CENPQ: variants seen among roughly 807,000 people sequenced by gnomAD.
CENPQ encodes the protein chromosome 6 open reading frame 139.
In CENPQ, 27 loss-of-function variants were observed where a neutral mutation model predicts 36.6. The observed-to-expected ratio is 0.74, with a 90% CI of 0.54 to 1.02. The LOEUF (loss-of-function observed/expected upper bound fraction) is 1.02, where lower values mean the gene tolerates loss of function less well. Among genes scored for constraint, CENPQ ranks in the 50% least tolerant of loss-of-function variants. The pLI is 0.00. For synonymous variants in CENPQ, 101 were observed against 101.7 expected, an observed-to-expected ratio of 0.99 and a Z score of 0.04; for missense variants, 306 against 301.8, an observed-to-expected ratio of 1.01 and a Z score of -0.10.
chr6:49,464,810 C>T (rs1767958489), intron 1 of CENPQ, among the ~76,000 whole-genome samples: 1 of 152,216 alleles, frequency 6.6e-6, no homozygotes. Context: ...TCTTTCATCA[C>T]TTCCTCCACT....
At chr6:49,486,262 CAA>C (rs1429391206) in intron 6 of CENPQ, among the ~76,000 whole-genome samples, 1 of 152,182 alleles carries the variant, frequency 6.6e-6, no homozygotes, top group African/African-American at 2.4e-5. Context: ...GTGGCCCTGC[CAA>C]CACCTTGATT....
At chr6:49,468,234 G>C (rs149918506) in intron 1 of CENPQ, among the ~76,000 whole-genome samples, 116 of 151,920 alleles carry the variant, frequency 7.6e-4, no homozygotes, top group African/African-American at 2.7e-3. Flanking sequence ...GCTCAGCTAA[G>C]ACTTTCCTGG....
chr6:49,484,086 G>C (rs1768522394), intron 6 of CENPQ, among the ~76,000 whole-genome samples: 1 of 152,184 alleles, frequency 6.6e-6, no homozygotes, highest in Admixed American at 6.5e-5. Context: ...TTAAAACGTG[G>C]AAATTTTTCT....
intron 8 of CENPQ, among the ~76,000 whole-genome samples, chr6:49,490,845 A>G (rs1193913994): frequency 2.0e-5 from 3 of 152,128 alleles, no homozygotes; most frequent in African/African-American, 4.8e-5. Context: ...ACACATAACA[A>G]TTACCAATTC....
intron 5 of CENPQ, among the ~76,000 whole-genome samples, chr6:49,477,370 T>C (rs1204159818): frequency 7.8e-6 from 1 of 128,112 alleles, no homozygotes; most frequent in Non-Finnish European, 1.6e-5. Context: ...AATTGAACAA[T>C]GAGAACACCT....
intron 5 of CENPQ, among the ~76,000 whole-genome samples, chr6:49,474,448 A>G (rs570707200): frequency 6.6e-6 from 1 of 152,318 alleles, no homozygotes; most frequent in South Asian, 2.1e-4. Context: ...AGGCAGAAAT[A>G]AAGATGTTCT....
In CENPQ at chr6:49,492,158, G is replaced by T; in HGVS notation, c.690G>T (p.Ala230=). The change falls in exon 9 of 9, where the codon GCG becomes GCT. Residue 230 remains alanine (A), a synonymous_variant. Transcript: ENST00000335783. ...CTTTCCCACAGAAAGAAATTTTGGC[G>T]CTAATTCCAAACCAGAATGCTCTTC... is the stretch of plus-strand genomic sequence containing the variant. ...KAPTLQKEIL[A]LIPNQNALLK... 6.3e-7 allele frequency: 1 copy of T among 1,596,872 alleles called. No homozygotes were observed. Among genetic ancestry groups the T allele is most frequent in the Non-Finnish European group, 8.5e-7 (1 of 1,175,406 alleles).
At chr6:49,490,282 C>T (rs368503579) in intron 8 of CENPQ, among the ~76,000 whole-genome samples, 1 of 152,354 alleles carries the variant, frequency 6.6e-6, no homozygotes, top group African/African-American at 2.4e-5. Flanking sequence ...TCACCTTGCA[C>T]TTTTTATGTT....
chr6:49,476,735 C>T (rs1051734165), intron 5 of CENPQ, among the ~76,000 whole-genome samples: 1 of 152,070 alleles, frequency 6.6e-6, no homozygotes, highest in African/African-American at 2.4e-5. Context: ...AAGAAAAAAA[C>T]AACCCTATCA....
chr6:49,467,471 G>A (rs1419600315), intron 1 of CENPQ, among the ~76,000 whole-genome samples: 1 of 152,134 alleles, frequency 6.6e-6, no homozygotes, highest in Admixed American at 6.5e-5. Flanking sequence ...TCAATTTTCT[G>A]TAAACCTAAA....
At chr6:49,486,487 C>G (rs1204099576) in intron 6 of CENPQ, among the ~76,000 whole-genome samples, 3 of 152,050 alleles carry the variant, frequency 2.0e-5, no homozygotes, top group African/African-American at 7.2e-5. Context: ...AAAATTTAGC[C>G]CATGGGAAAT....
At chr6:49,482,683 C>CGGCGATTGTCTCACCGCTT (rs1768469174) in intron 6 of CENPQ, among the ~76,000 whole-genome samples, 1 of 151,970 alleles carries the variant, frequency 6.6e-6, no homozygotes, top group South Asian at 2.1e-4. Flanking sequence ...TCTCACCGCT[C>CGGCGATTGTCTCACCGCTT]GGCGATTGTC....
chr6:49,482,145 C>T (rs972690530), intron 6 of CENPQ, among the ~76,000 whole-genome samples: 7 of 152,196 alleles, frequency 4.6e-5, no homozygotes, highest in African/African-American at 1.4e-4. Context: ...CCACACCCAC[C>T]GGAACTCCAG....
chr6:49,472,125 C>G lies in CENPQ; in HGVS notation c.220C>G (p.Gln74Glu). The change falls in exon 4 of 9, where the codon CAA becomes GAA. Residue 74 changes from glutamine to glutamate, a missense_variant. Transcript: ENST00000335783. ...AGCAGCCAGCAAGAGAAAAACCTGG[C>G]AACCTCTGTCAAAGAGTACCAGAGA... ...KTAASKRKTW[Q>E]PLSKSTRDHL... 1 of 1,612,616 alleles carries G rather than the reference C, an allele frequency of 6.2e-7. No homozygotes were observed. The highest frequency in any genetic ancestry group is 8.5e-7 in the Non-Finnish European group (1 of 1,179,210).
chr6:49,475,262 C>T (rs951297349), intron 5 of CENPQ, among the ~76,000 whole-genome samples: 1 of 152,098 alleles, frequency 6.6e-6, no homozygotes, highest in Non-Finnish European at 1.5e-5. Flanking sequence ...CCCTGGGATG[C>T]AAGTCTGGTT....
In CENPQ at chr6:49,471,042, A is replaced by G. The variant is rs772089035; in HGVS notation, c.157+14A>G. 4 of 1,465,098 alleles carry G rather than the reference A, an allele frequency of 2.7e-6. No individual in the cohort carries two copies. The African/African-American group carries it at 5.7e-5, about 21-fold the overall frequency. 90.8% of individuals were successfully genotyped at this position (1,465,098 alleles called of 1,614,324 possible). On this transcript the variant is annotated intron_variant, in intron 3 of 8. Transcript: ENST00000335783. The stretch of plus-strand genomic sequence containing the variant: ...TGTCTTCTGAAGGTATTTCTTTTCT[A>G]TTACCTTGTTTAACCTGCTTCTATA...
At chr6:49,467,549 C>G (rs1768032216) in intron 1 of CENPQ, among the ~76,000 whole-genome samples, 1 of 152,102 alleles carries the variant, frequency 6.6e-6, no homozygotes, top group African/African-American at 2.4e-5. Context: ...AAAGACAAGG[C>G]TAATTATTTT....
At chr6:49,464,788 A>C (rs931901808) in intron 1 of CENPQ, among the ~76,000 whole-genome samples, 1 of 152,172 alleles carries the variant, frequency 6.6e-6, no homozygotes, top group Admixed American at 6.5e-5. Flanking sequence ...TTCTCTTGCT[A>C]TTGCCACCAG....
intron 2 of CENPQ, 130 bp downstream of exon 2, chr6:49,470,408 C>A (rs1768101313): frequency 2.0e-6 from 1 of 504,948 alleles, no homozygotes. Flanking sequence ...TCGAAACCAT[C>A]CTGGCTAACA....
Sources: allele counts gnomAD v4.1 joint callset (sites outside exome capture counted in the v4.1 genomes callset), GRCh38; gene constraint gnomAD v4.1.1; transcripts MANE v1.5; gene names NCBI Gene and HGNC (gene_info 2026-07-23, HGNC 2026-07-21).